Variants in HK3 observed in about 807,000 individuals in gnomAD.
HK3 encodes the protein hexokinase 3, also known as hexokinase-3.
HK3 carries 93 observed loss-of-function variants against 91.0 expected under a neutral mutation model. The observed-to-expected ratio is 1.02, with a 90% CI of 0.86 to 1.21. The LOEUF (loss-of-function observed/expected upper bound fraction) is 1.21, where lower values mean the gene tolerates loss of function less well. Ranked by LOEUF, HK3 falls within the 50% of genes most tolerant of loss-of-function variation. The pLI, the probability that HK3 is intolerant of heterozygous loss-of-function variation, is 0.00. For synonymous variants in HK3, 519 were observed against 516.9 expected, an observed-to-expected ratio of 1.00 and a Z score of -0.06; for missense variants, 1,235 against 1,247.4, an observed-to-expected ratio of 0.99 and a Z score of 0.15.
rs758886881 is a variant in HK3, at chr5:176,881,226, G to A, written c.2628-9C>T. The A allele has an allele frequency of 1.5e-5, 24 of 1,613,030 alleles. No individual in the cohort carries two copies. The Middle Eastern group carries it at 4.9e-4, about 33-fold the overall frequency. Reference sequence around the variant, plus strand: ...CCACCAGGCTGGAGAAGCTGTGAGAGGAGGGCTGAGGTGAGCCCAGGCCAC... The same window carrying A: ...CCACCAGGCTGGAGAAGCTGTGAGAAGAGGGCTGAGGTGAGCCCAGGCCAC... On this transcript the variant is annotated splice_polypyrimidine_tract_variant and intron_variant, in intron 18 of 18. Coordinates refer to ENST00000292432, the MANE Select transcript of HK3 (RefSeq NM_002115.3).
intron 13 of HK3, 119 bp downstream of exon 13, chr5:176,886,883 A>T: frequency 8.4e-7 from 1 of 1,184,296 alleles, no homozygotes; most frequent in Non-Finnish European, 1.2e-6. Flanking sequence ...CAGTGCTGCC[A>T]CCACCACCAA....
Position 176,884,228 on chromosome 5 carries a change from T to C in HK3, c.1858-94A>G. On this transcript the variant is annotated intron_variant, in intron 13 of 18. Transcript: ENST00000292432. This position sits in a 1 kb window ranked among gnomAD's most constrained non-coding sequence, Gnocchi z 4.1. ...ACCTGCATCCATCACAAGCCTAGGCTTTCCACCCTCCCCAAGCACAATTCC... is the reference window on the plus strand; with the variant it reads ...ACCTGCATCCATCACAAGCCTAGGCCTTCCACCCTCCCCAAGCACAATTCC... 2.0e-6 allele frequency: 2 copies of C among 1,021,244 alleles called. No individual in the cohort carries two copies. The highest frequency in any genetic ancestry group is 3.1e-6 in the Non-Finnish European group (2 of 648,124). The allele number at this position is 1,021,244 out of a possible 1,614,324, so 63.3% of individuals were successfully genotyped here. A position where few individuals can be genotyped will look rare whatever the true frequency, so the allele number is the denominator to read the frequency against.
rs201033511 is a variant in HK3, at chr5:176,881,830, C to T, written c.2255G>A (p.Ser752Asn). The T allele has an allele frequency of 1.9e-5, 31 of 1,613,862 alleles. No individual in the cohort carries two copies. The highest frequency in any genetic ancestry group is 2.5e-5 in the Non-Finnish European group (29 of 1,180,024). The change falls in exon 17 of 19, where the codon AGC becomes AAC. Residue 752 changes from serine (S) to asparagine (N), a missense_variant. By Grantham distance (46) the Ser-to-Asn change is conservative (BLOSUM62 1). Transcript: ENST00000292432. Reference protein sequence around the residue: ...PGKQRFEKMISGMYLGEIVRH... With the variant: ...PGKQRFEKMINGMYLGEIVRH... The stretch of plus-strand genomic sequence containing the variant: ...GACGATCTCCCCCAGGTACATGCCG[C>T]TGATCATCTTTTCAAACCTGCATGA...
chr5:176,898,895 G>A (rs1025511394), intron 1 of HK3, among the ~76,000 whole-genome samples: 9 of 152,244 alleles, frequency 5.9e-5, no homozygotes, highest in Admixed American at 3.9e-4. Flanking sequence ...CACTTTGGGA[G>A]GCTGAGGCAG....
At chr5:176,882,888 C>T (rs747544955) in intron 15 of HK3, among the ~76,000 whole-genome samples, 26 of 152,176 alleles carry the variant, frequency 1.7e-4, no homozygotes, top group Non-Finnish European at 2.5e-4. Context: ...CCTGGGCATG[C>T]CTCTCCCAAG....
Position 176,888,497 on chromosome 5 carries a change from T to C in HK3, c.1139A>G (p.Asp380Gly), listed in dbSNP as rs1439292054. The C allele has an allele frequency of 3.9e-6, 6 of 1,553,708 alleles. No homozygotes were observed. Among genetic ancestry groups the C allele is most frequent in the Non-Finnish European group, 5.2e-6 (6 of 1,148,096 alleles). The change falls in exon 10 of 19, where the codon GAT (aspartate) becomes GGT (glycine). Residue 380 changes from aspartate (D) to glycine (G), a missense_variant. Asp to Gly is a moderately conservative substitution (Grantham distance 94, BLOSUM62 -1). Coordinates refer to ENST00000292432, the MANE Select transcript of HK3 (RefSeq NM_002115.3). ...QDLGLSPGAS[D>G]VELVQHVCAA... The stretch of plus-strand genomic sequence containing the variant: ...ACAGACGTGCTGCACAAGCTCAACA[T>C]CCGAAGCCCCAGGGCTCAGGCCCAA...
At chr5:176,881,599 A>G in intron 17 of HK3, 64 bp from the exon 18 acceptor site, 1 of 1,589,012 alleles carries the variant, frequency 6.3e-7, no homozygotes, top group Non-Finnish European at 8.6e-7. Flanking sequence ...TTCATCCTCC[A>G]GAGCAGACCT....
rs976762169 is a variant in HK3, at chr5:176,880,904, G to A, written c.*169C>T. 2 of 624,610 alleles carry A rather than the reference G, an allele frequency of 3.2e-6. No individual in the cohort carries two copies. Among genetic ancestry groups the A allele is most frequent in the African/African-American group, 3.7e-5 (2 of 54,292 alleles). 38.7% of individuals were successfully genotyped at this position (624,610 alleles called of 1,614,324 possible). ...TTATATATATATATTGCTAACCTGA[G>A]TGCTACTTCTCTCAGGGAAAGCCAG... On this transcript the variant is annotated 3_prime_UTR_variant, in exon 19 of 19. Transcript: ENST00000292432.
intron 13 of HK3, among the ~76,000 whole-genome samples, chr5:176,886,687 AGAGACAGGAACAAATGCTG>A (rs1758592481): frequency 6.6e-6 from 1 of 152,208 alleles, no homozygotes; most frequent in African/African-American, 2.4e-5. Flanking sequence ...AGCCCCTGCT[AGAGACAGGAACAAATGCTG>A]GTTCCTGCAG....
At chr5:176,897,908 G>C (rs192064477) in intron 1 of HK3, among the ~76,000 whole-genome samples, 65 of 152,304 alleles carry the variant, frequency 4.3e-4, no homozygotes, top group African/African-American at 1.5e-3. Context: ...TGGTGGAGAA[G>C]CTCCTCAAAT....
In HK3 at chr5:176,881,377, A is replaced by G; in HGVS notation, c.2552T>C (p.Ile851Thr). The change falls in exon 18 of 19, where the codon ATC becomes ACC. Residue 851 changes from isoleucine (I) to threonine (T), a missense_variant. Transcript: ENST00000292432. ...CTCTTCCAGGCCCCGGTTCTCCCGG[A>G]TCTTCTCCACCACGGCAGCTACACC... ...GAGVAAVVEKIRENRGLEELA... is the reference protein window; with the variant it reads ...GAGVAAVVEKTRENRGLEELA... 1 of 1,613,810 alleles carries G rather than the reference A, an allele frequency of 6.2e-7. No individual in the cohort carries two copies. Among genetic ancestry groups the G allele is most frequent in the Non-Finnish European group, 8.5e-7 (1 of 1,180,006 alleles).
chr5:176,887,949 A>G lies in HK3; in HGVS notation c.1305-203T>C, dbSNP rs1354244682. ...CGAGTCTTGCTCTCTCACCCAAGCTAGAGTGCCACGGAGTGATCATGGCTT... is the reference window on the plus strand; with the variant it reads ...CGAGTCTTGCTCTCTCACCCAAGCTGGAGTGCCACGGAGTGATCATGGCTT... On this transcript the variant is annotated intron_variant, in intron 10 of 18. Coordinates refer to ENST00000292432, the MANE Select transcript of HK3 (RefSeq NM_002115.3). This position sits in a 1 kb window ranked among gnomAD's most constrained non-coding sequence, Gnocchi z 4.9. Among the ~76,000 whole-genome samples, 20 of 151,732 alleles carry G rather than the reference A, an allele frequency of 1.3e-4. No individual in the cohort carries two copies. The highest frequency in any genetic ancestry group is 2.9e-5 in the Non-Finnish European group (2 of 67,962).
rs1389215335 is a variant in HK3 at position 176,887,155 on chromosome 5, C to G, written c.1738-34G>C. ...CAGGACAGGTCAGGCGTAGGCACTG[C>G]TCAGCCCTTCCCCACCTCTGACATC... On this transcript the variant is annotated intron_variant, in intron 12 of 18. Transcript: ENST00000292432. This position sits in a 1 kb window ranked among gnomAD's most constrained non-coding sequence, Gnocchi z 4.9. 2.5e-6 allele frequency: 4 copies of G among 1,614,106 alleles called. No homozygotes were observed. Among genetic ancestry groups the G allele is most frequent in the Non-Finnish European group, 3.4e-6 (4 of 1,180,050 alleles).
chr5:176,897,685 G>A (rs2149379346), intron 1 of HK3, among the ~76,000 whole-genome samples: 1 of 152,214 alleles, frequency 6.6e-6, no homozygotes, highest in Middle Eastern at 3.4e-3. Context: ...GTCTCTCCTA[G>A]GTCTCCTTCC....
chr5:176,887,191 C>G lies in HK3; in HGVS notation c.1737+10G>C. 5 of 1,614,204 alleles carry G rather than the reference C, an allele frequency of 3.1e-6. No homozygotes were observed. The highest frequency in any genetic ancestry group is 4.2e-6 in the Non-Finnish European group (5 of 1,180,048). On this transcript the variant is annotated intron_variant, in intron 12 of 18. Transcript: ENST00000292432. The surrounding 1 kb of genome is among the most constrained non-coding windows in gnomAD (Gnocchi z 4.9). ...CCCACCTCTGACATCAAGGTTCAGG[C>G]TGTGGGTACCTGCTGCCCAGAACCC...
Position 176,888,546 on chromosome 5 carries a change from G to A in HK3, c.1090C>T (p.Arg364Cys), listed in dbSNP as rs2304514. 5,566 of 1,560,642 alleles carry A rather than the reference G, an allele frequency of 3.6e-3. 156 individuals are homozygous for A. The East Asian group carries it at 0.059, about 16-fold the overall frequency. Residue 364 changes from arginine (R) to cysteine (C), a missense_variant, in exon 10 of 19, where the codon CGT becomes TGT. Physicochemically the swap from Arg to Cys is radical, Grantham distance 180 (BLOSUM62 -3). Transcript: ENST00000292432. ...AAGTCCTGCAGGATAGCATGGACAC[G>A]GGCTGCCCCAGTAGAGGGGCTGGAG... is the stretch of plus-strand genomic sequence containing the variant. ...EMEDPSTGAA[R>C]VHAILQDLGL...
At chr5:176,881,568 G>A (rs750038014) in intron 17 of HK3, 33 bp from the exon 18 acceptor site, 60 of 1,589,106 alleles carry the variant, frequency 3.8e-5, no homozygotes, top group Non-Finnish European at 4.3e-5. Context: ...GCACAGGGAG[G>A]TGGGTCGTGA....
rs1758525526 is a variant in HK3, at chr5:176,884,286, C to A, written c.1858-152G>T. 1.5e-6 allele frequency: 1 copy of A among 681,884 alleles called. No homozygotes were observed. Among genetic ancestry groups the A allele is most frequent in the Admixed American group, 2.4e-5 (1 of 41,364 alleles). The allele number at this position is 681,884 out of a possible 1,614,324, so 42.2% of individuals were successfully genotyped here. On this transcript the variant is annotated intron_variant, in intron 13 of 18. Transcript: ENST00000292432. This position sits in a 1 kb window ranked among gnomAD's most constrained non-coding sequence, Gnocchi z 4.1. The stretch of plus-strand genomic sequence containing the variant: ...CTTTGCTGTATGGTTGAAGGCCTTG[C>A]CCTCTGCCCGCTCCCTACTCCCCAG...
At chr5:176,883,550 G>C (rs1174646964) in intron 15 of HK3, among the ~76,000 whole-genome samples, 2 of 152,208 alleles carry the variant, frequency 1.3e-5, no homozygotes, top group Non-Finnish European at 2.9e-5. Flanking sequence ...GATGGGCAAA[G>C]TGAAGTTCAG....
Sources: gnomAD v4.1 joint callset for allele counts (sites outside exome capture counted in the v4.1 genomes callset) on GRCh38, gnomAD v4.1.1 for gene constraint, Gnocchi (gnomAD v3.1) non-coding constraint, MANE v1.5 for transcripts, NCBI Gene and HGNC (gene_info 2026-07-23, HGNC 2026-07-21) for gene names.